Variants in OSMR observed in about 807,000 individuals in gnomAD.
The protein encoded by OSMR is oncostatin-M-specific receptor subunit beta.
Under a neutral mutation model 99.9 loss-of-function variants are expected in OSMR, and 81 were observed. That is an observed-to-expected ratio of 0.81 (90% CI 0.68 to 0.97). The LOEUF (loss-of-function observed/expected upper bound fraction) is 0.97. Among genes scored for constraint, OSMR ranks in the 50% least tolerant of loss-of-function variants. The pLI is 0.00. For synonymous variants in OSMR, 406 were observed against 410.4 expected, an observed-to-expected ratio of 0.99 and a Z score of 0.13; for missense variants, 1,099 against 1,153.4, an observed-to-expected ratio of 0.95 and a Z score of 0.68.
At chr5:38,875,892 T>A (rs1742784574) in intron 2 of OSMR, among the ~76,000 whole-genome samples, 1 of 152,166 alleles carries the variant, frequency 6.6e-6, no homozygotes, top group South Asian at 2.1e-4. Flanking sequence ...TTTTCAGCCT[T>A]GTTATAAATT....
chr5:38,883,971 G>T lies in OSMR; in HGVS notation c.563G>T (p.Gly188Val). 1 of 1,613,772 alleles carries T rather than the reference G, an allele frequency of 6.2e-7. No individual in the cohort carries two copies. Among genetic ancestry groups the T allele is most frequent in the Non-Finnish European group, 8.5e-7 (1 of 1,179,662 alleles). ...SCYLEGKQIH[G>V]EQLDPHVTAF... is the part of the protein sequence containing the mutation. ...TATTTGGAAGGGAAACAGATTCATG[G>T]AGAACAACTTGATCCACATGTAACT... Residue 188 changes from glycine (G) to valine (V), a missense_variant, in exon 5 of 18, where the codon GGA (glycine) becomes GTA (valine). Physicochemically the swap from Gly to Val is moderately radical, Grantham distance 109 (BLOSUM62 -3). Transcript: ENST00000274276.
At chr5:38,870,257 C>G (rs1216614537) in intron 2 of OSMR, among the ~76,000 whole-genome samples, 1 of 151,866 alleles carries the variant, frequency 6.6e-6, no homozygotes, top group East Asian at 1.9e-4. Flanking sequence ...CTCGCTCACT[C>G]TGTCTTACTT....
At chr5:38,884,441 A>G (rs1429585234) in intron 5 of OSMR, among the ~76,000 whole-genome samples, 1 of 152,180 alleles carries the variant, frequency 6.6e-6, no homozygotes, top group African/African-American at 2.4e-5. Flanking sequence ...GGAGGGTAGG[A>G]GCTACAGATT....
At chr5:38,923,833 G>A (rs1214214842) in intron 13 of OSMR, among the ~76,000 whole-genome samples, 2 of 152,204 alleles carry the variant, frequency 1.3e-5, no homozygotes, top group Non-Finnish European at 1.5e-5. Context: ...GAGCAGGCAG[G>A]AGGTGTGTGA....
At chr5:38,917,981 A>G (rs925877676) in intron 10 of OSMR, among the ~76,000 whole-genome samples, 1 of 152,216 alleles carries the variant, frequency 6.6e-6, no homozygotes. Flanking sequence ...AATCAAGCTT[A>G]AAAATTGTAA....
chr5:38,864,032 C>T (rs1741732068), intron 1 of OSMR, among the ~76,000 whole-genome samples: 1 of 152,136 alleles, frequency 6.6e-6, no homozygotes, highest in Non-Finnish European at 1.5e-5. Context: ...CACTTTCAGT[C>T]TATATGTATC....
At chr5:38,902,175 G>A (rs1449018441) in intron 7 of OSMR, among the ~76,000 whole-genome samples, 1 of 152,228 alleles carries the variant, frequency 6.6e-6, no homozygotes, top group Non-Finnish European at 1.5e-5. Flanking sequence ...CACTCAGTAT[G>A]TATAAGAGTA....
chr5:38,942,299 T>C, intron 1 of OSMR: 2 of 1,557,886 alleles, frequency 1.3e-6, no homozygotes, highest in Non-Finnish European at 1.8e-6. Flanking sequence ...ATCATAAATA[T>C]GAGGTCAGGA....
At chr5:38,867,733 T>C (rs1287672357) in intron 1 of OSMR, among the ~76,000 whole-genome samples, 35 of 152,202 alleles carry the variant, frequency 2.3e-4, no homozygotes, top group Non-Finnish European at 2.9e-5. Context: ...AAAAACTGTC[T>C]CTTGGGAGAA....
chr5:38,885,238 C>G (rs540139060), intron 5 of OSMR, 111 bp from the exon 6 acceptor site: 1 of 1,560,222 alleles, frequency 6.4e-7, no homozygotes, highest in Non-Finnish European at 8.7e-7. Flanking sequence ...CTCAGTGACC[C>G]CTTCCTTGTT....
At chr5:38,854,030 T>A (rs1188865771) in intron 1 of OSMR, among the ~76,000 whole-genome samples, 8 of 149,828 alleles carry the variant, frequency 5.3e-5, no homozygotes, top group African/African-American at 2.0e-4. Flanking sequence ...AATATATAAC[T>A]GGCAGTACTC....
chr5:38,919,255 G>C (rs1209117022), intron 11 of OSMR, 193 bp downstream of exon 11: 1 of 1,517,880 alleles, frequency 6.6e-7, no homozygotes, highest in Non-Finnish European at 8.8e-7. Context: ...TGGGGAGAAG[G>C]AGACTTCAGC....
chr5:38,903,376 A>G (rs1745017730), intron 7 of OSMR, among the ~76,000 whole-genome samples: 1 of 152,202 alleles, frequency 6.6e-6, no homozygotes. Context: ...TGGATTTTAT[A>G]TCGTGACAAC....
intron 5 of OSMR, among the ~76,000 whole-genome samples, chr5:38,884,415 C>T (rs573285862): frequency 6.6e-6 from 1 of 152,288 alleles, no homozygotes; most frequent in Admixed American, 6.5e-5. Context: ...GCTGGAATTA[C>T]TTCGGGATCA....
chr5:38,917,780 C>A (rs771026586), intron 10 of OSMR, among the ~76,000 whole-genome samples, 158 bp downstream of exon 10: 1 of 152,056 alleles, frequency 6.6e-6, no homozygotes, highest in African/African-American at 2.4e-5. Flanking sequence ...TAGAGGAATC[C>A]CACTCCACTC....
Position 38,869,003 on chromosome 5 carries a change from T to A in OSMR, c.-13-29T>A, listed in dbSNP as rs1198936927. On this transcript the variant is annotated intron_variant, in intron 1 of 17. Transcript: ENST00000274276. ...TGCCAGTATTGAAAATTAAATAAAA[T>A]TTTCCTTCTTATAATTTATCTTTTT... 6 of 1,609,854 alleles carry A rather than the reference T, an allele frequency of 3.7e-6. No individual in the cohort carries two copies. The East Asian group carries it at 1.3e-4, about 36-fold the overall frequency.
At chr5:38,847,495 T>TTA (rs1739950390) in intron 1 of OSMR, among the ~76,000 whole-genome samples, 1 of 86,502 alleles carries the variant, frequency 1.2e-5, no homozygotes, top group South Asian at 5.7e-4. Flanking sequence ...GCTCAAACTC[T>TTA]AAGACTGGGT....
intron 11 of OSMR, among the ~76,000 whole-genome samples, chr5:38,920,313 A>G (rs1266188710): frequency 6.6e-6 from 1 of 152,248 alleles, no homozygotes; most frequent in African/African-American, 2.4e-5. Flanking sequence ...AGGTTAAGCC[A>G]GTTCACACTA....
At position 38,881,613 on chromosome 5, in the gene OSMR, G is replaced by A. The variant is rs866828886; in HGVS notation, c.267G>A (p.Val89=). The part of the protein sequence containing the change: ...VIWVGNYSTT[V]KWNQVLHWSW... ...TTTAGGGGAATTACAGCACCACTGT[G>A]AAGTGGAACCAGGTTCTGCATTGGA... The change falls in exon 4 of 18, where the codon GTG becomes GTA. Residue 89 remains valine, a synonymous_variant. Transcript: ENST00000274276. The A allele has an allele frequency of 6.2e-7, 1 of 1,614,084 alleles. No homozygotes were observed. The highest frequency in any genetic ancestry group is 8.5e-7 in the Non-Finnish European group (1 of 1,179,936).
Sources: allele counts gnomAD v4.1 joint callset (sites outside exome capture counted in the v4.1 genomes callset), GRCh38; gene constraint gnomAD v4.1.1; transcripts MANE v1.5; gene names NCBI Gene and HGNC (gene_info 2026-07-23, HGNC 2026-07-21).